The following PDX1 variants were observed in gnomAD, a reference collection of about 807,000 sequenced individuals.
PDX1 encodes the protein pancreatic and duodenal homeobox 1.
PDX1 carries 7 observed loss-of-function variants against 11.1 expected under a neutral mutation model. That is an observed-to-expected ratio of 0.63 (90% CI 0.36 to 1.19). The LOEUF (loss-of-function observed/expected upper bound fraction) is 1.19. Among genes scored for constraint, PDX1 ranks in the 50% most tolerant of loss-of-function variants. The pLI is 0.02. For synonymous variants in PDX1, 232 were observed against 196.2 expected, an observed-to-expected ratio of 1.18 and a Z score of -1.53; for missense variants, 449 against 412.1, an observed-to-expected ratio of 1.09 and a Z score of -0.78.
chr13:27,921,889 C>G (rs1957790163), intron 1 of PDX1, among the ~76,000 whole-genome samples: 1 of 152,226 alleles, frequency 6.6e-6, no homozygotes, highest in Non-Finnish European at 1.5e-5. Flanking sequence ...TTATCCAGCT[C>G]GCGCAGCCCG....
intron 1 of PDX1, among the ~76,000 whole-genome samples, chr13:27,923,080 A>G (rs1048674309): frequency 6.6e-6 from 1 of 152,136 alleles, no homozygotes; most frequent in African/African-American, 2.4e-5. Flanking sequence ...GCCAACATTC[A>G]CAGGAGAAAT....
At position 27,920,466 on chromosome 13, in the gene PDX1, G is replaced by A; in HGVS notation, c.328G>A (p.Glu110Lys). 6.2e-7 allele frequency: 1 copy of A among 1,606,768 alleles called. No homozygotes were observed. The highest frequency in any genetic ancestry group is 1.7e-4 in the Middle Eastern group (1 of 5,984). ...FPEGAEPGVL[E>K]EPNRVQLPFP... ...GGAGGGAGCCGAGCCGGGCGTCCTG[G>A]AGGAGCCCAACCGCGTCCAGCTGCC... The change falls in exon 1 of 2, where the codon GAG becomes AAG. Residue 110 changes from glutamate to lysine, a missense_variant. Glu to Lys is a moderately conservative substitution (Grantham distance 56). Coordinates refer to ENST00000381033, the MANE Select transcript of PDX1 (RefSeq NM_000209.4).
Position 27,924,712 on chromosome 13 carries a change from C to A in PDX1, c.*11C>A, listed in dbSNP as rs1331486532. 3.4e-6 allele frequency: 5 copies of A among 1,467,948 alleles called. No individual in the cohort carries two copies. Among genetic ancestry groups the A allele is most frequent in the South Asian group, 1.3e-5 (1 of 75,140 alleles). The allele number at this position is 1,467,948 out of a possible 1,614,324, so 90.9% of individuals were successfully genotyped here. ...CAGGAACCACGATGAGAGGCAGGAG[C>A]TGCTCCTGGCTGAGGGGCTTCAACC... On this transcript the variant is annotated 3_prime_UTR_variant, in exon 2 of 2. Coordinates refer to ENST00000381033, the MANE Select transcript of PDX1 (RefSeq NM_000209.4). This position sits in a 1 kb window ranked among gnomAD's most constrained non-coding sequence, Gnocchi z 4.8.
In PDX1 at chr13:27,920,175, C is replaced by A; in HGVS notation, c.37C>A (p.Leu13Ile). The A allele has an allele frequency of 1.3e-6, 2 of 1,550,040 alleles. No individual in the cohort carries two copies. Among genetic ancestry groups the A allele is most frequent in the Non-Finnish European group, 8.7e-7 (1 of 1,146,742 alleles). ...GGAGCAGTACTACGCGGCCACGCAG[C>A]TTTACAAGGACCCATGCGCGTTCCA... ...GEEQYYAATQLYKDPCAFQRG... is the reference protein window; with the variant it reads ...GEEQYYAATQIYKDPCAFQRG... The change falls in exon 1 of 2, where the codon CTT (leucine) becomes ATT (isoleucine). Residue 13 changes from leucine (L) to isoleucine (I), a missense_variant. Around this residue, in one of 3 missense-constraint regions of PDX1, gnomAD observed 263 missense variants for 212.5 expected, o/e 1.24. Coordinates refer to ENST00000381033, the MANE Select transcript of PDX1 (RefSeq NM_000209.4).
chr13:27,920,174 G>A lies in PDX1; in HGVS notation c.36G>A (p.Gln12=). ...AGGAGCAGTACTACGCGGCCACGCA[G>A]CTTTACAAGGACCCATGCGCGTTCC... The part of the protein sequence containing the change: ...NGEEQYYAAT[Q]LYKDPCAFQR... Residue 12 remains glutamine (Q), a synonymous_variant, in exon 1 of 2, where the codon CAG becomes CAA. Transcript: ENST00000381033. The A allele has an allele frequency of 6.5e-7, 1 of 1,550,026 alleles. No individual in the cohort carries two copies. The highest frequency in any genetic ancestry group is 8.7e-7 in the Non-Finnish European group (1 of 1,146,730).
chr13:27,921,611 C>T (rs946025576), intron 1 of PDX1, among the ~76,000 whole-genome samples: 1 of 152,226 alleles, frequency 6.6e-6, no homozygotes, highest in Non-Finnish European at 1.5e-5. Context: ...CCCGGCCCAC[C>T]CCGAAAATCC....
intron 1 of PDX1, among the ~76,000 whole-genome samples, chr13:27,922,511 G>A (rs753866677): frequency 3.9e-5 from 6 of 152,156 alleles, no homozygotes; most frequent in Non-Finnish European, 5.9e-5. Flanking sequence ...GTACGAATCT[G>A]AATGCTAATG....
chr13:27,922,682 A>G (rs564796388), intron 1 of PDX1, among the ~76,000 whole-genome samples: 1 of 152,236 alleles, frequency 6.6e-6, no homozygotes, highest in African/African-American at 2.4e-5. Context: ...CGTCGCGCTG[A>G]GCACAGGTCC....
chr13:27,922,543 A>G (rs1053196054), intron 1 of PDX1, among the ~76,000 whole-genome samples: 2 of 152,206 alleles, frequency 1.3e-5, no homozygotes, highest in African/African-American at 4.8e-5. Flanking sequence ...TTTGAAAAAC[A>G]TTGACCCCCA....
Position 27,925,847 on chromosome 13 carries a change from G to A in PDX1, c.*1146G>A, listed in dbSNP as rs1316413907. 1 of 152,798 alleles carries A rather than the reference G, an allele frequency of 6.5e-6. No homozygotes were observed. The allele number at this position is 152,798 out of a possible 1,614,324, so 9.5% of individuals were successfully genotyped here. On this transcript the variant is annotated 3_prime_UTR_variant, in exon 2 of 2. Transcript: ENST00000381033. ...AAGGGGGGACGGGCCTGGATCTGGG[G>A]GTGAGGGAGAAAGATGGACCCCTGG... is the stretch of plus-strand genomic sequence containing the variant.
intron 1 of PDX1, among the ~76,000 whole-genome samples, chr13:27,922,796 G>A (rs1957797196): frequency 6.6e-6 from 1 of 152,222 alleles, no homozygotes; most frequent in Non-Finnish European, 1.5e-5. Flanking sequence ...GCCTAAGGCA[G>A]GAACCCAGAG....
chr13:27,920,119 C>T lies in PDX1; in HGVS notation c.-20C>T, dbSNP rs1347300001. Reference sequence around the variant, plus strand: ...GGCTCCCGGCTCCCGGCTCCCGGTGCCCAATCCCGGGCCGCAGCCATGAAC... The same window carrying T: ...GGCTCCCGGCTCCCGGCTCCCGGTGTCCAATCCCGGGCCGCAGCCATGAAC... On this transcript the variant is annotated 5_prime_UTR_variant, in exon 1 of 2. Transcript: ENST00000381033. The T allele has an allele frequency of 6.5e-7, 1 of 1,549,382 alleles. No individual in the cohort carries two copies.
intron 1 of PDX1, among the ~76,000 whole-genome samples, chr13:27,923,265 G>T (rs929389157): frequency 6.6e-6 from 1 of 152,192 alleles, no homozygotes; most frequent in Non-Finnish European, 1.5e-5. Flanking sequence ...GGGCCAGGGC[G>T]TCCTGTTGCC....
Position 27,924,436 on chromosome 13 carries a change from A to C in PDX1, c.587A>C (p.Asn196Thr), listed in dbSNP as rs771543377. Residue 196 changes from asparagine (N) to threonine (T), a missense_variant, in exon 2 of 2, where the codon AAC becomes ACC. Asn to Thr is a moderately conservative substitution (Grantham distance 65). Coordinates refer to ENST00000381033, the MANE Select transcript of PDX1 (RefSeq NM_000209.4). The surrounding 1 kb of genome is among the most constrained non-coding windows in gnomAD (Gnocchi z 4.8). ...AGACACATCAAGATCTGGTTCCAAA[A>C]CCGCCGCATGAAGTGGAAAAAGGAG... ...TERHIKIWFQ[N>T]RRMKWKKEED... 1 of 1,613,166 alleles carries C rather than the reference A, an allele frequency of 6.2e-7. No homozygotes were observed. The highest frequency in any genetic ancestry group is 8.5e-7 in the Non-Finnish European group (1 of 1,179,890).
chr13:27,926,136 G>A lies in PDX1; in HGVS notation c.*1435G>A, dbSNP rs183052606. 6.6e-5 allele frequency: 10 copies of A among 152,296 alleles called. No individual in the cohort carries two copies. Among genetic ancestry groups the A allele is most frequent in the South Asian group, 6.2e-4 (3 of 4,820 alleles). 9.4% of individuals were successfully genotyped at this position (152,296 alleles called of 1,614,324 possible). On this transcript the variant is annotated 3_prime_UTR_variant, in exon 2 of 2. Coordinates refer to ENST00000381033, the MANE Select transcript of PDX1 (RefSeq NM_000209.4). ...TTACAAACAGGTCTGTGCATCCCAG[G>A]TCTGTCTTCTTTTCAAGGTCTGGGC...
Position 27,924,147 on chromosome 13 carries a change from G to A in PDX1, c.407-109G>A, listed in dbSNP as rs1957806232. Reference sequence around the variant, plus strand: ...CTGGGGCTTGGTGGCTCCGGCGGGAGCAGCTGGTAGGGCTAGGGCTCCCTG... The same window carrying A: ...CTGGGGCTTGGTGGCTCCGGCGGGAACAGCTGGTAGGGCTAGGGCTCCCTG... On this transcript the variant is annotated intron_variant, in intron 1 of 1. Coordinates refer to ENST00000381033, the MANE Select transcript of PDX1 (RefSeq NM_000209.4). This position sits in a 1 kb window ranked among gnomAD's most constrained non-coding sequence, Gnocchi z 4.8. 1.1e-6 allele frequency: 1 copy of A among 940,374 alleles called. No homozygotes were observed. Among genetic ancestry groups the A allele is most frequent in the Non-Finnish European group, 1.5e-6 (1 of 657,836 alleles). The allele number at this position is 940,374 out of a possible 1,614,324, so 58.3% of individuals were successfully genotyped here. A position where few individuals can be genotyped will look rare whatever the true frequency, so the allele number is the denominator to read the frequency against.
intron 1 of PDX1, 144 bp downstream of exon 1, chr13:27,920,688 C>T (rs908002051): frequency 2.4e-6 from 2 of 817,110 alleles, no homozygotes; most frequent in African/African-American, 1.7e-5. Flanking sequence ...GCTACCGAGC[C>T]CATCCCTCAC....
Position 27,920,280 on chromosome 13 carries a change from C to A in PDX1, c.142C>A (p.His48Asn), listed in dbSNP as rs1314622214. The change falls in exon 1 of 2, where the codon CAC becomes AAC. Residue 48 changes from histidine (H) to asparagine (N), a missense_variant. Transcript: ENST00000381033. ...MGRQPPPPPP[H>N]PFPGALGALE... ...CCGCCAGCCCCCGCCGCCGCCGCCG[C>A]ACCCGTTCCCTGGCGCCCTGGGCGC... 8 of 1,540,664 alleles carry A rather than the reference C, an allele frequency of 5.2e-6. 1 individual carries two copies. In the Admixed American group the frequency reaches 1.6e-4, roughly 31 times the overall value.
At position 27,924,868 on chromosome 13, in the gene PDX1, T is replaced by A. The variant is rs1957814282; in HGVS notation, c.*167T>A. ...GAAAACCCGCTCTCTCAGGCGCATG[T>A]GCCAGTTGGGGCCCCGCGGGTAGAT... On this transcript the variant is annotated 3_prime_UTR_variant, in exon 2 of 2. Transcript: ENST00000381033. The surrounding 1 kb of genome is among the most constrained non-coding windows in gnomAD (Gnocchi z 4.8). The A allele has an allele frequency of 1.8e-6, 1 of 567,234 alleles. No homozygotes were observed. The allele number at this position is 567,234 out of a possible 1,614,324, so 35.1% of individuals were successfully genotyped here.
Sources: allele counts gnomAD v4.1 joint callset (sites outside exome capture counted in the v4.1 genomes callset), GRCh38; gene constraint gnomAD v4.1.1; regional missense constraint gnomAD v4.1.1; non-coding constraint Gnocchi (gnomAD v3.1); transcripts MANE v1.5; gene names NCBI Gene and HGNC (gene_info 2026-07-23, HGNC 2026-07-21).